The following VAC14 variants were observed in gnomAD, a reference collection of about 807,000 sequenced individuals.
VAC14 encodes the protein protein VAC14 homolog.
A neutral mutation model predicts 85.3 loss-of-function variants in VAC14; 47 were observed. That is an observed-to-expected ratio of 0.55 (90% confidence interval 0.44 to 0.70). The LOEUF (loss-of-function observed/expected upper bound fraction) is 0.70, where lower values mean the gene tolerates loss of function less well. Among genes scored for constraint, VAC14 ranks in the 30% least tolerant of loss-of-function variants. The probability of loss-of-function intolerance (pLI) is 0.00; values close to 1 mark genes in which losing one functional copy is unlikely to be tolerated. For missense variants in VAC14, 861 were observed against 1,004.3 expected (o/e 0.86, Z 1.93); for synonymous variants, 447 against 430.5 (o/e 1.04, Z -0.47).
At chr16:70,693,848 T>C (rs2053649622) in intron 17 of VAC14, among the ~76,000 whole-genome samples, 1 of 152,182 alleles carries the variant, frequency 6.6e-6, no homozygotes, top group African/African-American at 2.4e-5. Context: ...ATGTCACCCC[T>C]GGAGCGGCCA....
In VAC14 at chr16:70,692,770, G is replaced by A. The variant is rs1284054528; in HGVS notation, c.2186+51C>T. 2.6e-6 allele frequency: 4 copies of A among 1,566,232 alleles called. No individual in the cohort carries two copies. In the South Asian group the frequency reaches 4.7e-5, roughly 18 times the overall value. The stretch of plus-strand genomic sequence containing the variant: ...GGCCCTTCCTCACCAGGCTCCTCTG[G>A]GCCTGTCCCTGCTCAGGGGGCGGGG... On this transcript the variant is annotated intron_variant, in intron 18 of 18. Coordinates refer to ENST00000261776, the MANE Select transcript of VAC14 (RefSeq NM_018052.5).
chr16:70,698,394 G>C (rs367985698), intron 15 of VAC14, among the ~76,000 whole-genome samples: 2 of 152,310 alleles, frequency 1.3e-5, no homozygotes, highest in African/African-American at 4.8e-5. Context: ...GGGGGGTCAG[G>C]GTGGACACGT....
In VAC14 at chr16:70,772,342, T is replaced by A. The variant is rs2033280657; in HGVS notation, c.1097-170A>T. The A allele has an allele frequency of 1.0e-5, 6 of 589,774 alleles. No individual in the cohort carries two copies. In the South Asian group the frequency reaches 1.1e-4, roughly 10 times the overall value. 36.5% of individuals were successfully genotyped at this position (589,774 alleles called of 1,614,324 possible). ...TGAGGACCCAACCAACGCCCAGTCA[T>A]TCTCGATAGTCCCCAAGCTTGTAAG... On this transcript the variant is annotated intron_variant, in intron 9 of 18. Coordinates refer to ENST00000261776, the MANE Select transcript of VAC14 (RefSeq NM_018052.5).
chr16:70,766,156 G>GAA (rs60494478), intron 10 of VAC14, among the ~76,000 whole-genome samples: 50 of 94,584 alleles, frequency 5.3e-4, no homozygotes, highest in African/African-American at 1.3e-3. Flanking sequence ...TGTCCCAAAA[G>GAA]AAAAAAAAAA....
intron 15 of VAC14, among the ~76,000 whole-genome samples, chr16:70,697,509 G>A (rs1221356118): frequency 6.6e-6 from 1 of 152,206 alleles, no homozygotes; most frequent in African/African-American, 2.4e-5. Context: ...GCTGGGAGTG[G>A]CTGTCCTTTG....
chr16:70,729,813 C>T (rs1372314484), intron 14 of VAC14, among the ~76,000 whole-genome samples: 9 of 151,220 alleles, frequency 6.0e-5, no homozygotes, highest in Non-Finnish European at 5.9e-5. Flanking sequence ...AGTTAGTGTT[C>T]AGTAAACATC....
chr16:70,783,372 T>C, intron 6 of VAC14, 73 bp downstream of exon 6: 1 of 1,486,746 alleles, frequency 6.7e-7, no homozygotes, highest in Non-Finnish European at 9.4e-7. Context: ...GCGGCCTCTC[T>C]GTGGGCATGA....
At chr16:70,746,242 G>C (rs1334469032) in intron 12 of VAC14, among the ~76,000 whole-genome samples, 1 of 152,114 alleles carries the variant, frequency 6.6e-6, no homozygotes, top group Non-Finnish European at 1.5e-5. Context: ...TTCAAACAGT[G>C]TCACGTGTTG....
At chr16:70,800,747 C>G (rs751558682) in intron 1 of VAC14, 50 bp downstream of exon 1, 1 of 1,510,880 alleles carries the variant, frequency 6.6e-7, no homozygotes. Flanking sequence ...CCCTGGGGAG[C>G]AGAGCAGTCA....
intron 18 of VAC14, chr16:70,689,989 G>A: frequency 1.0e-6 from 1 of 985,440 alleles, no homozygotes; most frequent in African/African-American, 1.7e-5. Context: ...GTCTTCTGAT[G>A]CTGGGCACCC....
intron 1 of VAC14, among the ~76,000 whole-genome samples, chr16:70,796,493 C>G (rs2034551702): frequency 6.6e-6 from 1 of 152,134 alleles, no homozygotes; most frequent in East Asian, 1.9e-4. Flanking sequence ...TAGGGAAAAC[C>G]AGTCATGCAG....
Position 70,781,025 on chromosome 16 carries a change from AGGTGG to A in VAC14, c.947-91_947-87del. On this transcript the variant is annotated intron_variant, in intron 8 of 18. Coordinates refer to ENST00000261776, the MANE Select transcript of VAC14 (RefSeq NM_018052.5). ...GCTGAAATGTGATTCCCAGTGTTGG[AGGTGG>A]GGCCTGGTGGGAGGGGTTTCGGTCA... 1.9e-6 allele frequency: 3 copies of A among 1,566,212 alleles called. No individual in the cohort carries two copies. The African/African-American group carries it at 4.0e-5, about 21-fold the overall frequency.
intron 12 of VAC14, among the ~76,000 whole-genome samples, chr16:70,748,763 A>G (rs2031128837): frequency 6.6e-6 from 1 of 152,180 alleles, no homozygotes; most frequent in South Asian, 2.1e-4. Context: ...CCTGGCCAAC[A>G]TGGTGAAACC....
intron 13 of VAC14, among the ~76,000 whole-genome samples, chr16:70,741,865 C>T (rs1276468039): frequency 6.6e-6 from 1 of 152,206 alleles, no homozygotes; most frequent in Non-Finnish European, 1.5e-5. Flanking sequence ...TTCAGGGTGC[C>T]CTGCCATATA....
chr16:70,732,745 C>A (rs1389029026), intron 13 of VAC14, among the ~76,000 whole-genome samples: 1 of 151,830 alleles, frequency 6.6e-6, no homozygotes, highest in Non-Finnish European at 1.5e-5. Flanking sequence ...TGGATTCAAG[C>A]TATCCTCTTG....
intron 14 of VAC14, among the ~76,000 whole-genome samples, chr16:70,728,598 G>A (rs893915262): frequency 4.6e-5 from 7 of 152,218 alleles, no homozygotes; most frequent in African/African-American, 1.4e-4. Context: ...CTGAGCGGGT[G>A]GGGAGGGCAT....
At chr16:70,797,714 G>A (rs541979260) in intron 1 of VAC14, among the ~76,000 whole-genome samples, 4 of 152,246 alleles carry the variant, frequency 2.6e-5, no homozygotes, top group Non-Finnish European at 5.9e-5. Flanking sequence ...TCATGGGGGT[G>A]GATTTCTCCC....
intron 14 of VAC14, among the ~76,000 whole-genome samples, chr16:70,721,125 C>T (rs1005116289): frequency 5.3e-5 from 8 of 152,188 alleles, no homozygotes; most frequent in Non-Finnish European, 7.3e-5. Flanking sequence ...AGATGTTCAC[C>T]GTCAAAGTGC....
intron 18 of VAC14, chr16:70,688,983 G>A: frequency 4.1e-6 from 4 of 985,484 alleles, no homozygotes; most frequent in Non-Finnish European, 4.8e-6. Context: ...CCTGGGAAGG[G>A]GTCTCAGGAA....
Sources: allele counts gnomAD v4.1 joint callset (sites outside exome capture counted in the v4.1 genomes callset), GRCh38; gene constraint gnomAD v4.1.1; transcripts MANE v1.5; gene names NCBI Gene and HGNC (gene_info 2026-07-23, HGNC 2026-07-21).